Variants in NOXA1 observed in about 807,000 individuals in gnomAD.
NOXA1 encodes the protein NADPH oxidase activator 1.
NOXA1 carries 56 observed loss-of-function variants against 64.8 expected under a neutral mutation model. The ratio of observed to expected loss-of-function variants is 0.86; its 90% CI spans 0.70 to 1.08. The LOEUF is 1.08. Among genes scored for constraint, NOXA1 ranks in the 50% least tolerant of loss-of-function variants. NOXA1 has a pLI of 0.00. For synonymous variants in NOXA1, 295 were observed against 294.8 expected, an observed-to-expected ratio of 1.00 and a Z score of -0.01; for missense variants, 668 against 658.5, an observed-to-expected ratio of 1.01 and a Z score of -0.16.
At position 137,423,574 on chromosome 9, in the gene NOXA1, G is replaced by A. The variant is rs1359700411; in HGVS notation, c.45G>A (p.Ala15=). The A allele has an allele frequency of 8.9e-6, 13 of 1,462,186 alleles. No homozygotes were observed. The highest frequency in any genetic ancestry group is 2.9e-5 in the African/African-American group (2 of 68,832). 90.6% of individuals were successfully genotyped at this position (1,462,186 alleles called of 1,614,324 possible). ...TGGTGCGCGCCTGGCACCTGGGCGC[G>A]CAGGCTGTGGATCGTGGGGACTGGG... ...GDLVRAWHLG[A]QAVDRGDWAR... The change falls in exon 1 of 14, where the codon GCG becomes GCA. Residue 15 remains alanine, a synonymous_variant. Coordinates refer to ENST00000683555, the MANE Select transcript of NOXA1 (RefSeq NM_001256067.2).
chr9:137,429,498 G>T, intron 5 of NOXA1, 115 bp downstream of exon 5: 1 of 731,180 alleles, frequency 1.4e-6, no homozygotes, highest in Non-Finnish European at 2.2e-6. Context: ...GGAGGGTAGA[G>T]AGTGGGCCCA....
At chr9:137,430,071 C>T (rs1206366396) in intron 5 of NOXA1, among the ~76,000 whole-genome samples, 2 of 132,424 alleles carry the variant, frequency 1.5e-5, no homozygotes, top group South Asian at 2.6e-4. Flanking sequence ...GGCGGGGGTG[C>T]CTGTGTCCCT....
intron 5 of NOXA1, among the ~76,000 whole-genome samples, chr9:137,430,490 G>T (rs1420064843): frequency 1.3e-5 from 2 of 152,266 alleles, no homozygotes; most frequent in African/African-American, 2.4e-5. Flanking sequence ...GCGAAGCCGG[G>T]CTCTGAGCTG....
intron 8 of NOXA1, among the ~76,000 whole-genome samples, chr9:137,432,035 TG>T (rs2131890971): frequency 6.6e-6 from 1 of 152,306 alleles, no homozygotes; most frequent in African/African-American, 2.4e-5. Flanking sequence ...CCTCAGGGTT[TG>T]GAACTATTTG....
chr9:137,429,801 C>T (rs1413209931), intron 5 of NOXA1, among the ~76,000 whole-genome samples: 1 of 116,826 alleles, frequency 8.6e-6, no homozygotes, highest in Non-Finnish European at 1.7e-5. Context: ...CCACAGATAG[C>T]GAGGTCCCGG....
chr9:137,430,800 T>C lies in NOXA1; in HGVS notation c.629T>C (p.Ile210Thr). 6.3e-7 allele frequency: 1 copy of C among 1,595,130 alleles called. No homozygotes were observed. ...CCCCGCCAGGTGGTGGCCTCTGCCA[T>C]CCCCGACGACCAGGGCTGGGGCGTC... ...LGKAKVVASA[I>T]PDDQGWGVRP... is the part of the protein sequence containing the mutation. The change falls in exon 6 of 14, where the codon ATC (isoleucine) becomes ACC (threonine). Residue 210 changes from isoleucine (I) to threonine (T), a missense_variant. By Grantham distance (89) the Ile-to-Thr change is moderately conservative (BLOSUM62 -1). Coordinates refer to ENST00000683555, the MANE Select transcript of NOXA1 (RefSeq NM_001256067.2).
rs117024443 is a variant in NOXA1, at chr9:137,430,759, C to T, written c.613-25C>T. On this transcript the variant is annotated intron_variant, in intron 5 of 13. Coordinates refer to ENST00000683555, the MANE Select transcript of NOXA1 (RefSeq NM_001256067.2). The stretch of plus-strand genomic sequence containing the variant: ...CCCTGCTGGGCCGCTGATCCCTGAC[C>T]CAGCGTCCCCACTGTCCCCGCCAGG... 3 of 1,584,018 alleles carry T rather than the reference C, an allele frequency of 1.9e-6. No individual in the cohort carries two copies. The East Asian group carries it at 6.7e-5, about 36-fold the overall frequency.
intron 5 of NOXA1, 140 bp downstream of exon 5, chr9:137,429,523 C>G: frequency 1.6e-6 from 1 of 629,610 alleles, no homozygotes; most frequent in Non-Finnish European, 2.7e-6. Context: ...CATCCTCAAA[C>G]TGGCGCCCAC....
chr9:137,428,847 TC>T, intron 3 of NOXA1, 34 bp from the exon 4 acceptor site: 1 of 1,540,904 alleles, frequency 6.5e-7, no homozygotes. Context: ...GGGTGGGGCA[TC>T]AGGCCCCTGC....
chr9:137,428,875 C>G lies in NOXA1; in HGVS notation c.370-7C>G. ...GGCCCCTGCCATCACCTTGGCCCCA[C>G]TCCCAGGTGCTACACAATGTGGCGT... On this transcript the variant is annotated splice_polypyrimidine_tract_variant and splice_region_variant and intron_variant, in intron 3 of 13. Transcript: ENST00000683555. 6.4e-7 allele frequency: 1 copy of G among 1,571,332 alleles called. No homozygotes were observed. The highest frequency in any genetic ancestry group is 2.4e-5 in the East Asian group (1 of 42,388).
intron 13 of NOXA1, 40 bp downstream of exon 13, chr9:137,434,119 C>T: frequency 6.3e-7 from 1 of 1,582,374 alleles, no homozygotes; most frequent in Non-Finnish European, 8.6e-7. Context: ...CACCGTGGTG[C>T]CCGGGGTGTG....
intron 8 of NOXA1, among the ~76,000 whole-genome samples, chr9:137,432,010 G>T (rs1478362420): frequency 6.6e-6 from 1 of 152,202 alleles, no homozygotes; most frequent in Non-Finnish European, 1.5e-5. Context: ...CCTCCAAGCT[G>T]TGCTTCACTA....
intron 9 of NOXA1, 25 bp downstream of exon 9, chr9:137,433,099 T>A: frequency 6.2e-7 from 1 of 1,612,172 alleles, no homozygotes; most frequent in Non-Finnish European, 8.5e-7. Context: ...AGCGGCGGGG[T>A]CCCCGGGTGA....
intron 5 of NOXA1, 81 bp from the exon 6 acceptor site, chr9:137,430,703 G>A (rs1454471476): frequency 1.6e-6 from 2 of 1,281,018 alleles, no homozygotes; most frequent in Non-Finnish European, 2.1e-6. Context: ...TAGAGCTGCG[G>A]GGCACGGTGG....
chr9:137,424,668 C>T (rs1354653080), intron 1 of NOXA1, among the ~76,000 whole-genome samples: 1 of 152,160 alleles, frequency 6.6e-6, no homozygotes, highest in Admixed American at 6.5e-5. Flanking sequence ...GAACTCCTGA[C>T]CTCAGGTGAT....
chr9:137,424,167 C>T (rs536531578), intron 1 of NOXA1, among the ~76,000 whole-genome samples: 29 of 152,302 alleles, frequency 1.9e-4, no homozygotes, highest in African/African-American at 7.0e-4. Context: ...CGTTCCGGGG[C>T]CGCCTGTTCC....
chr9:137,432,690 CG>C (rs1310802301), intron 8 of NOXA1, among the ~76,000 whole-genome samples: 1 of 152,218 alleles, frequency 6.6e-6, no homozygotes, highest in African/African-American at 2.4e-5. Context: ...TCAGGGCACA[CG>C]GTTAATGTCG....
chr9:137,433,995 G>C lies in NOXA1; in HGVS notation c.1210G>C (p.Val404Leu). 6.4e-7 allele frequency: 1 copy of C among 1,562,814 alleles called. No individual in the cohort carries two copies. Among genetic ancestry groups the C allele is most frequent in the African/African-American group, 1.3e-5 (1 of 74,268 alleles). The change falls in exon 13 of 14, where the codon GTG becomes CTG. Residue 404 changes from valine (V) to leucine (L), a missense_variant. Val to Leu is a conservative substitution (Grantham distance 32). Coordinates refer to ENST00000683555, the MANE Select transcript of NOXA1 (RefSeq NM_001256067.2). The part of the protein sequence containing the change: ...GAGGRPVLYQ[V>L]VAQHSYSAQG... ...CGGGGGTCGGCCGGTCCTCTACCAG[G>C]TGGTGGCCCAGCACAGCTACTCCGC...
At chr9:137,432,785 CT>C (rs1205225530) in intron 8 of NOXA1, among the ~76,000 whole-genome samples, 6 of 152,326 alleles carry the variant, frequency 3.9e-5, no homozygotes, top group Non-Finnish European at 5.9e-5. Context: ...GAGCTGCCAC[CT>C]CGGTGGGCCT....
Sources: gnomAD v4.1 joint callset for allele counts (sites outside exome capture counted in the v4.1 genomes callset) on GRCh38, gnomAD v4.1.1 for gene constraint, MANE v1.5 for transcripts, NCBI Gene and HGNC (gene_info 2026-07-23, HGNC 2026-07-21) for gene names.